The following SAMMSON variants were observed in gnomAD, a reference collection of about 807,000 sequenced individuals.
SAMMSON encodes the protein long intergenic non-protein coding RNA 1212.
At chr3:70,341,971 T>C (rs1702714498) in intron 7 of SAMMSON, among the ~76,000 whole-genome samples, 1 of 152,150 alleles carries the variant, frequency 6.6e-6, no homozygotes, top group African/African-American at 2.4e-5. Context: ...CCAAAGTAAA[T>C]ATTTGCTTAC....
At chr3:70,188,546 G>T (rs144250713) in intron 4 of SAMMSON, among the ~76,000 whole-genome samples, 1 of 152,148 alleles carries the variant, frequency 6.6e-6, no homozygotes, top group Non-Finnish European at 1.5e-5. Context: ...GAAAGGGATG[G>T]TATATGGAAT....
chr3:70,367,254 G>A (rs537104159), intron 9 of SAMMSON, among the ~76,000 whole-genome samples: 188 of 151,520 alleles, frequency 1.2e-3, no homozygotes, highest in African/African-American at 4.4e-3. Context: ...TCAAACACTA[G>A]AACTTATTCT....
chr3:70,255,346 A>T (rs879717786), intron 6 of SAMMSON, among the ~76,000 whole-genome samples: 4 of 152,250 alleles, frequency 2.6e-5, no homozygotes, highest in Non-Finnish European at 5.9e-5. Context: ...AAAGGACCAA[A>T]GAAGAGGCTT....
intron 4 of SAMMSON, among the ~76,000 whole-genome samples, chr3:70,122,612 CAAT>C (rs1180087724): frequency 2.1e-5 from 3 of 142,484 alleles, no homozygotes; most frequent in Non-Finnish European, 4.5e-5. Context: ...CATTAACTGT[CAAT>C]AAGAAAACAA....
intron 4 of SAMMSON, among the ~76,000 whole-genome samples, chr3:70,136,934 A>C (rs2067508313): frequency 6.6e-6 from 1 of 152,216 alleles, no homozygotes; most frequent in African/African-American, 2.4e-5. Context: ...CATTTCAATA[A>C]GAGTCTTTAT....
At position 70,300,291 on chromosome 3, in the gene SAMMSON, CTATTGATT is replaced by C. The variant is rs1271026828; in HGVS notation, n.739+9052_739+9059del. On this transcript the variant is annotated intron_variant and non_coding_transcript_variant, in intron 7 of 9. Transcript: ENST00000642114. ...CTTAACATTTCTCCTTTATTTAAAT[CTATTGATT>C]TATAGATAAACTTTCCTTACCTACC... is the stretch of plus-strand genomic sequence containing the variant. Among the ~76,000 whole-genome samples, 23 of 152,178 alleles carry C rather than the reference CTATTGATT, an allele frequency of 1.5e-4. No homozygotes were observed. In the East Asian group the frequency reaches 4.1e-3, roughly 27 times the overall value.
At chr3:70,219,562 T>A (rs947126480) in intron 4 of SAMMSON, among the ~76,000 whole-genome samples, 1 of 152,096 alleles carries the variant, frequency 6.6e-6, no homozygotes. Context: ...AGAGAAATAC[T>A]GAGAAATAAT....
At chr3:70,274,479 T>A (rs1702003351) in intron 6 of SAMMSON, among the ~76,000 whole-genome samples, 1 of 152,172 alleles carries the variant, frequency 6.6e-6, no homozygotes, top group Non-Finnish European at 1.5e-5. Flanking sequence ...TTTCTCCAAA[T>A]AATTAATGTT....
chr3:70,124,666 T>A (rs561752258), intron 4 of SAMMSON, among the ~76,000 whole-genome samples: 1 of 150,550 alleles, frequency 6.6e-6, no homozygotes, highest in African/African-American at 2.4e-5. Flanking sequence ...CAGAAAAAAA[T>A]TAGCTGGGTG....
chr3:70,130,263 G>A (rs1246715759), intron 4 of SAMMSON, among the ~76,000 whole-genome samples: 4 of 152,210 alleles, frequency 2.6e-5, no homozygotes, highest in Admixed American at 2.6e-4. Flanking sequence ...GAGGAGCCAC[G>A]TCTGTCTGTA....
intron 7 of SAMMSON, among the ~76,000 whole-genome samples, chr3:70,317,243 T>G (rs1314510061): frequency 6.6e-6 from 1 of 152,030 alleles, no homozygotes; most frequent in African/African-American, 2.4e-5. Flanking sequence ...ATTATTGCAT[T>G]TTGCTGTATT....
chr3:70,138,649 T>C (rs1301884055), intron 4 of SAMMSON, among the ~76,000 whole-genome samples: 2 of 152,202 alleles, frequency 1.3e-5, no homozygotes, highest in Non-Finnish European at 2.9e-5. Flanking sequence ...ACAAGATACA[T>C]TCAGTTCATA....
At chr3:70,386,155 C>T (rs548951970) in intron 9 of SAMMSON, among the ~76,000 whole-genome samples, 3 of 152,176 alleles carry the variant, frequency 2.0e-5, no homozygotes, top group East Asian at 1.9e-4. Context: ...GAGTGAAAAT[C>T]GCAGCCTTGT....
intron 9 of SAMMSON, among the ~76,000 whole-genome samples, chr3:70,379,752 A>C (rs1183274397): frequency 6.6e-6 from 1 of 152,180 alleles, no homozygotes. Flanking sequence ...CTGGGCAACT[A>C]ATTTCCTTGT....
At chr3:70,328,030 A>G (rs144991437) in intron 7 of SAMMSON, among the ~76,000 whole-genome samples, 15 of 152,308 alleles carry the variant, frequency 9.8e-5, no homozygotes, top group African/African-American at 3.6e-4. Context: ...TTGTGGTGGA[A>G]GGTGAAAGGC....
intron 2 of SAMMSON, among the ~76,000 whole-genome samples, chr3:70,421,683 C>A (rs17732997): frequency 6.6e-6 from 1 of 151,818 alleles, no homozygotes; most frequent in African/African-American, 2.4e-5. Context: ...GAATAAGAAG[C>A]GCTGGTGAAG....
downstream of SAMMSON, among the ~76,000 whole-genome samples, chr3:70,391,788 C>T (rs1411946415): frequency 6.6e-6 from 1 of 152,076 alleles, no homozygotes; most frequent in Non-Finnish European, 1.5e-5. Context: ...TAAACTTGCT[C>T]TTTATTTTCA....
chr3:70,010,832 G>C (rs1225943802), intron 1 of SAMMSON, among the ~76,000 whole-genome samples: 7 of 152,128 alleles, frequency 4.6e-5, no homozygotes, highest in Non-Finnish European at 1.0e-4. Context: ...CTTCTTCACA[G>C]GGCTTTAGGA....
At chr3:70,261,614 T>A (rs895208138) in intron 6 of SAMMSON, among the ~76,000 whole-genome samples, 4 of 152,216 alleles carry the variant, frequency 2.6e-5, no homozygotes, top group African/African-American at 9.6e-5. Context: ...CTGAATGGGC[T>A]TTCTTCACTT....
Sources: allele counts gnomAD v4.1 joint callset (sites outside exome capture counted in the v4.1 genomes callset), GRCh38; gene constraint gnomAD v4.1.1; transcripts MANE v1.5; gene names NCBI Gene and HGNC (gene_info 2026-07-23, HGNC 2026-07-21).